The following GTF2E2 variants were observed in gnomAD, a reference collection of about 807,000 sequenced individuals.
GTF2E2 encodes general transcription factor IIE subunit 2, also known as transcription initiation factor IIE subunit beta.
A neutral mutation model predicts 40.5 loss-of-function variants in GTF2E2; 21 were observed. The ratio of observed to expected loss-of-function variants is 0.52; its 90% CI spans 0.37 to 0.75. GTF2E2 has a LOEUF of 0.75. Ranked by LOEUF, GTF2E2 falls within the 30% of genes least tolerant of loss-of-function variation. The probability of loss-of-function intolerance (pLI) is 0.00; values close to 1 mark genes in which losing one functional copy is unlikely to be tolerated. For synonymous variants in GTF2E2, 117 were observed against 121.6 expected, an observed-to-expected ratio of 0.96 and a Z score of 0.25; for missense variants, 298 against 338.4, an observed-to-expected ratio of 0.88 and a Z score of 0.94.
chr8:30,586,315 C>A (rs1214282112), intron 6 of GTF2E2, among the ~76,000 whole-genome samples: 1 of 152,060 alleles, frequency 6.6e-6, no homozygotes, highest in African/African-American at 2.4e-5. Flanking sequence ...AAAATGCACC[C>A]CCACCCAAGA....
At position 30,631,871 on chromosome 8, in the gene GTF2E2, G is replaced by A. The variant is rs989714816; in HGVS notation, c.258+3161C>T. 2.6e-5 allele frequency among the ~76,000 whole-genome samples: 4 copies of A among 152,292 alleles called. No homozygotes were observed. In the East Asian group the frequency reaches 5.8e-4, roughly 22 times the overall value. Reference sequence around the variant, plus strand: ...AGCACTTCAGGAGGCTGAGGCAGGCGGATCACTTGAGGGATCCCCTGAGCC... The same window carrying A: ...AGCACTTCAGGAGGCTGAGGCAGGCAGATCACTTGAGGGATCCCCTGAGCC... On this transcript the variant is annotated intron_variant, in intron 3 of 7. Coordinates refer to ENST00000355904, the MANE Select transcript of GTF2E2 (RefSeq NM_002095.6).
chr8:30,613,736 G>A (rs1228428621), intron 4 of GTF2E2, among the ~76,000 whole-genome samples: 1 of 152,168 alleles, frequency 6.6e-6, no homozygotes, highest in Non-Finnish European at 1.5e-5. Flanking sequence ...TAAATGAATT[G>A]TATGTTAGGA....
rs531707106 is a variant in GTF2E2, at chr8:30,623,034, T to C, written c.259-8319A>G. On this transcript the variant is annotated intron_variant, in intron 3 of 7. Transcript: ENST00000355904. ...TAAGAGATTAAAGTAAAGACAGGCA[T>C]AGGAAATCACAAGGGTATTGACTGG... Among the ~76,000 whole-genome samples, 355 of 152,164 alleles carry C rather than the reference T, an allele frequency of 2.3e-3. 8 individuals are homozygous for C. Among genetic ancestry groups the C allele is most frequent in the African/African-American group, 7.7e-3 (318 of 41,440 alleles).
intron 6 of GTF2E2, among the ~76,000 whole-genome samples, chr8:30,598,570 T>A (rs900488959): frequency 6.6e-6 from 1 of 152,230 alleles, no homozygotes; most frequent in Admixed American, 6.5e-5. Flanking sequence ...ATCCCTGCCT[T>A]TCCTTAGCTC....
chr8:30,636,490 C>CCT (rs1026622993), intron 2 of GTF2E2, among the ~76,000 whole-genome samples: 3 of 152,178 alleles, frequency 2.0e-5, no homozygotes, highest in Non-Finnish European at 4.4e-5. Flanking sequence ...TATTGAGTAT[C>CCT]CTTTTTTGAG....
chr8:30,647,157 A>G (rs182988653), intron 2 of GTF2E2, among the ~76,000 whole-genome samples: 1 of 152,270 alleles, frequency 6.6e-6, no homozygotes, highest in Non-Finnish European at 1.5e-5. Flanking sequence ...TGGTATATTA[A>G]GAGGGCTGTG....
chr8:30,589,706 A>G lies in GTF2E2; in HGVS notation c.644-9310T>C, dbSNP rs75666516. On this transcript the variant is annotated intron_variant, in intron 6 of 7. Transcript: ENST00000355904. ...CCTGCTATCTGGACATCTGTAAAGA[A>G]CAGGCATCGTCTGCCCAAATCTGTG... 6.4e-4 allele frequency among the ~76,000 whole-genome samples: 98 copies of G among 152,354 alleles called. 2 individuals carry two copies. The East Asian group carries it at 0.018, about 27-fold the overall frequency.
intron 2 of GTF2E2, among the ~76,000 whole-genome samples, chr8:30,640,125 T>C (rs558255768): frequency 2.9e-4 from 44 of 152,298 alleles, no homozygotes; most frequent in African/African-American, 5.5e-4. Context: ...TGGAGGCTCA[T>C]TGCTGTTTCA....
intron 3 of GTF2E2, 29 bp downstream of exon 3, chr8:30,635,003 G>T: frequency 1.6e-6 from 2 of 1,221,050 alleles, no homozygotes; most frequent in Non-Finnish European, 1.2e-6. Context: ...AGTTAAATAG[G>T]ACTTTTGCTA....
intron 2 of GTF2E2, among the ~76,000 whole-genome samples, chr8:30,647,654 C>G (rs748469534): frequency 1.3e-5 from 2 of 152,192 alleles, no homozygotes; most frequent in African/African-American, 4.8e-5. Context: ...TTTATTCTCA[C>G]ATTAGAAACA....
chr8:30,652,745 A>T (rs2128730801), intron 2 of GTF2E2, among the ~76,000 whole-genome samples: 1 of 152,360 alleles, frequency 6.6e-6, no homozygotes, highest in African/African-American at 2.4e-5. Context: ...GTCTACACAA[A>T]GACTTGTACA....
At chr8:30,597,999 T>C (rs924914381) in intron 6 of GTF2E2, among the ~76,000 whole-genome samples, 1 of 152,240 alleles carries the variant, frequency 6.6e-6, no homozygotes, top group African/African-American at 2.4e-5. Context: ...AGAAACTATA[T>C]CCTACCAAAG....
intron 6 of GTF2E2, 123 bp downstream of exon 6, chr8:30,606,934 A>G: frequency 2.2e-6 from 1 of 455,348 alleles, no homozygotes; most frequent in Non-Finnish European, 3.9e-6. Flanking sequence ...GCTGTGTTCT[A>G]AGAAATGATA....
intron 3 of GTF2E2, among the ~76,000 whole-genome samples, chr8:30,617,346 G>A (rs1179754713): frequency 6.6e-6 from 1 of 152,194 alleles, no homozygotes; most frequent in Non-Finnish European, 1.5e-5. Flanking sequence ...ACTACTATGT[G>A]CTGAGAGTAC....
At chr8:30,622,380 G>A (rs948315903) in intron 3 of GTF2E2, among the ~76,000 whole-genome samples, 1 of 152,000 alleles carries the variant, frequency 6.6e-6, no homozygotes, top group African/African-American at 2.4e-5. Context: ...ACTTTCAAAA[G>A]GGGAGGGAGT....
In GTF2E2 at chr8:30,578,734, C is replaced by A; in HGVS notation, c.*187G>T. ...AACAGAAGGTTAACAGGGAACATCA[C>A]ATTGCCCATGAGCCCATTCTACTCA... On this transcript the variant is annotated 3_prime_UTR_variant, in exon 8 of 8. Coordinates refer to ENST00000355904, the MANE Select transcript of GTF2E2 (RefSeq NM_002095.6). 1.9e-6 allele frequency: 1 copy of A among 513,554 alleles called. No individual in the cohort carries two copies. Among genetic ancestry groups the A allele is most frequent in the Non-Finnish European group, 3.5e-6 (1 of 283,760 alleles). 31.8% of individuals were successfully genotyped at this position (513,554 alleles called of 1,614,324 possible).
chr8:30,654,406 T>G (rs1407708275), intron 1 of GTF2E2, among the ~76,000 whole-genome samples: 1 of 152,170 alleles, frequency 6.6e-6, no homozygotes, highest in Non-Finnish European at 1.5e-5. Context: ...AATATGGCTA[T>G]TAAAAAAAAA....
chr8:30,652,253 T>A (rs533025400), intron 2 of GTF2E2, among the ~76,000 whole-genome samples: 3 of 152,032 alleles, frequency 2.0e-5, no homozygotes, highest in African/African-American at 7.2e-5. Flanking sequence ...CTTTTGTACA[T>A]ACAAAGACAC....
Position 30,614,732 on chromosome 8 carries a change from T to C in GTF2E2, c.259-17A>G, listed in dbSNP as rs372567210. ...ATGCCGTGTCTATCAAGTGAAGAAA[T>C]TGTTATTAGAAGACAGTTTCAAAAT... is the stretch of plus-strand genomic sequence containing the variant. On this transcript the variant is annotated splice_polypyrimidine_tract_variant and intron_variant, in intron 3 of 7. Coordinates refer to ENST00000355904, the MANE Select transcript of GTF2E2 (RefSeq NM_002095.6). The C allele has an allele frequency of 4.2e-6, 6 of 1,418,520 alleles. No homozygotes were observed. The highest frequency in any genetic ancestry group is 2.4e-5 in the South Asian group (2 of 84,466). 87.9% of individuals were successfully genotyped at this position (1,418,520 alleles called of 1,614,324 possible).
Sources: allele counts gnomAD v4.1 joint callset (sites outside exome capture counted in the v4.1 genomes callset), GRCh38; gene constraint gnomAD v4.1.1; transcripts MANE v1.5; gene names NCBI Gene and HGNC (gene_info 2026-07-23, HGNC 2026-07-21).